PIEZO2: variants seen among roughly 807,000 people sequenced by gnomAD.
PIEZO2 encodes piezo type mechanosensitive ion channel component 2, also known as piezo-type mechanosensitive ion channel component 2.
A neutral mutation model predicts 337.3 loss-of-function variants in PIEZO2; 172 were observed. That is an observed-to-expected ratio of 0.51 (90% CI 0.45 to 0.58). The LOEUF is 0.58. PIEZO2 is among the 20% of genes least tolerant of loss of function. PIEZO2 has a pLI of 0.00. For missense variants in PIEZO2, 3,028 were observed against 3,391.3 expected (o/e 0.89, Z 2.66); for synonymous variants, 1,251 against 1,228.5 (o/e 1.02, Z -0.38).
rs796703725 is a variant in PIEZO2 at position 11,099,548 on chromosome 18, C to A, written c.65-33326G>T. Among the ~76,000 whole-genome samples the A allele has an allele frequency of 2.6e-5, 4 of 152,324 alleles. No homozygotes were observed. Among genetic ancestry groups the A allele is most frequent in the African/African-American group, 9.6e-5 (4 of 41,572 alleles). ...ATGGCATGATCTCGGCTCACTGCAACCTCTGCCTCCAGGGTTCAAATGATT... is the reference window on the plus strand; with the variant it reads ...ATGGCATGATCTCGGCTCACTGCAAACTCTGCCTCCAGGGTTCAAATGATT... On this transcript the variant is annotated intron_variant, in intron 1 of 55. Transcript: ENST00000674853. This position sits in a 1 kb window ranked among gnomAD's most constrained non-coding sequence, Gnocchi z 5.4.
intron 3 of PIEZO2, among the ~76,000 whole-genome samples, chr18:10,951,887 A>G (rs1252783921): frequency 2.0e-5 from 3 of 152,196 alleles, no homozygotes; most frequent in African/African-American, 7.2e-5. Flanking sequence ...ATATTTGCCA[A>G]ATTAATGAAT....
At chr18:10,896,223 G>C (rs374097337) in intron 4 of PIEZO2, among the ~76,000 whole-genome samples, 34 of 152,258 alleles carry the variant, frequency 2.2e-4, no homozygotes, top group East Asian at 2.1e-3. Flanking sequence ...GAGTCAAACA[G>C]AGCAGCCTTC....
In PIEZO2 at chr18:10,702,125, C is replaced by T; in HGVS notation, c.6305G>A (p.Trp2102Ter). 1 of 1,536,690 alleles carries T rather than the reference C, an allele frequency of 6.5e-7. No homozygotes were observed. The highest frequency in any genetic ancestry group is 2.4e-5 in the East Asian group (1 of 40,896). ...TTTGTTCACCTCCACATTCTTATTC[C>T]AGGGAAAGAACCCAAATTGGAAGAA... ...KYFFQFGFFP[W>*]NKNVEVNKDK... The change falls in exon 43 of 56, where the codon TGG becomes TAG. Residue 2102 changes from tryptophan (W) to a stop codon, truncating the protein, a stop_gained. Coordinates refer to ENST00000674853, the MANE Select transcript of PIEZO2 (RefSeq NM_001378183.1). LOFTEE classifies it high-confidence loss of function.
chr18:11,076,493 C>T (rs2038550382), intron 1 of PIEZO2, among the ~76,000 whole-genome samples: 4 of 151,752 alleles, frequency 2.6e-5, no homozygotes, highest in Admixed American at 2.6e-4. Flanking sequence ...TTTTTCCAAA[C>T]AACTGGAGAT....
Position 10,800,397 on chromosome 18 carries a change from C to T in PIEZO2, c.1318G>A (p.Gly440Ser). ...GGGGTGGAGTAGAGGTCGGCTTTGC[C>T]AGGGCCGTTCTCCATGGGCAGGCTT... Reference protein sequence around the residue: ...HPSLPMENGPGKADLYSTPQY... With the variant: ...HPSLPMENGPSKADLYSTPQY... Residue 440 changes from glycine to serine, a missense_variant, in exon 11 of 56, where the codon GGC (glycine) becomes AGC (serine). Gly to Ser is a moderately conservative substitution (Grantham distance 56). Around this residue, in one of 5 missense-constraint regions of PIEZO2, gnomAD observed 542 missense variants for 605.6 expected, o/e 0.89. Coordinates refer to ENST00000674853, the MANE Select transcript of PIEZO2 (RefSeq NM_001378183.1). 1 of 1,536,344 alleles carries T rather than the reference C, an allele frequency of 6.5e-7. No individual in the cohort carries two copies. The highest frequency in any genetic ancestry group is 1.4e-5 in the African/African-American group (1 of 73,106).
At chr18:11,093,919 A>G (rs1281283229) in intron 1 of PIEZO2, among the ~76,000 whole-genome samples, 6 of 152,112 alleles carry the variant, frequency 3.9e-5, no homozygotes, top group African/African-American at 1.4e-4. Flanking sequence ...GTAGAGCAGC[A>G]TAAGTCTCGG....
chr18:10,802,972 C>CA (rs71362185), intron 9 of PIEZO2, among the ~76,000 whole-genome samples: 74,560 of 127,302 alleles, frequency 0.59, 20,332 homozygotes, highest in Non-Finnish European at 0.62. Context: ...ACTCTGTTGC[C>CA]AAAAAAAAAA....
chr18:10,932,268 T>C (rs1338251965), intron 3 of PIEZO2, among the ~76,000 whole-genome samples: 4 of 152,082 alleles, frequency 2.6e-5, no homozygotes, highest in Admixed American at 2.6e-4. Context: ...TGGTGGCACA[T>C]GCCTGTGGTC....
Position 10,773,967 on chromosome 18 carries a change from T to C in PIEZO2, c.2567+39A>G, listed in dbSNP as rs895565200. ...GGTGTAGAAGCATGAAATGGCATCA[T>C]GTAGAGCAAGCATTTCATGGCTTCA... On this transcript the variant is annotated intron_variant, in intron 19 of 55. Transcript: ENST00000674853. This position sits in a 1 kb window ranked among gnomAD's most constrained non-coding sequence, Gnocchi z 5.3. 1.1e-5 allele frequency: 8 copies of C among 702,740 alleles called. No homozygotes were observed. The highest frequency in any genetic ancestry group is 1.8e-5 in the Non-Finnish European group (7 of 384,946). The allele number at this position is 702,740 out of a possible 1,614,324, so 43.5% of individuals were successfully genotyped here. A position where few individuals can be genotyped will look rare whatever the true frequency, so the allele number is the denominator to read the frequency against.
At chr18:10,741,928 C>A (rs142338458) in intron 32 of PIEZO2, among the ~76,000 whole-genome samples, 8 of 151,806 alleles carry the variant, frequency 5.3e-5, no homozygotes, top group Non-Finnish European at 1.0e-4. Flanking sequence ...CCGAGGTGGG[C>A]GGATCACGAG....
Position 10,708,337 on chromosome 18 carries a change from G to A in PIEZO2, c.5526C>T (p.Leu1842=), listed in dbSNP as rs1200617510. The A allele has an allele frequency of 6.6e-6, 1 of 152,662 alleles. No homozygotes were observed. The highest frequency in any genetic ancestry group is 1.5e-5 in the Non-Finnish European group (1 of 68,056). 9.5% of individuals were successfully genotyped at this position (152,662 alleles called of 1,614,324 possible). A position where few individuals can be genotyped will look rare whatever the true frequency, so the allele number is the denominator to read the frequency against. The change falls in exon 40 of 56, where the codon CTC becomes CTT. Residue 1842 remains leucine, a synonymous_variant. Transcript: ENST00000674853. ...PKTSERARPR[L]RKMLSMDMSS... is the part of the protein sequence containing the mutation. Reference sequence around the variant, plus strand: ...ACATATCCATGCTGAGCATTTTACGGAGCCTAGGCCGAGCACGCTCGCTTG... The same window carrying A: ...ACATATCCATGCTGAGCATTTTACGAAGCCTAGGCCGAGCACGCTCGCTTG...
intron 1 of PIEZO2, among the ~76,000 whole-genome samples, chr18:11,117,451 T>C (rs2039923318): frequency 6.6e-6 from 1 of 152,192 alleles, no homozygotes; most frequent in Non-Finnish European, 1.5e-5. Flanking sequence ...CAACTAGTCA[T>C]GGAATTCCTA....
At chr18:10,972,091 G>A (rs1221151324) in intron 3 of PIEZO2, among the ~76,000 whole-genome samples, 1 of 149,778 alleles carries the variant, frequency 6.7e-6, no homozygotes, top group East Asian at 2.0e-4. Context: ...TCAAGAGTTT[G>A]AGATCAGCCT....
chr18:11,149,066 C>T lies in PIEZO2; in HGVS notation c.-478G>A, dbSNP rs879610863. ...TTCTACTTGGAAGCCCCTCTGAAGCCACCGCGTCTCCTTTGCCCGGCCTCG... is the reference window on the plus strand; with the variant it reads ...TTCTACTTGGAAGCCCCTCTGAAGCTACCGCGTCTCCTTTGCCCGGCCTCG... On this transcript the variant is annotated 5_prime_UTR_variant, in exon 1 of 56. Transcript: ENST00000674853. The surrounding 1 kb of genome is among the most constrained non-coding windows in gnomAD (Gnocchi z 8.7). 2.2e-4 allele frequency among the ~76,000 whole-genome samples: 34 copies of T among 152,236 alleles called. No individual in the cohort carries two copies. Among genetic ancestry groups the T allele is most frequent in the Admixed American group, 7.8e-4 (12 of 15,310 alleles).
At chr18:10,721,804 A>G (rs2036322170) in intron 36 of PIEZO2, among the ~76,000 whole-genome samples, 1 of 152,192 alleles carries the variant, frequency 6.6e-6, no homozygotes, top group Admixed American at 6.5e-5. Context: ...AACTGGAATA[A>G]CGTAATTGTC....
intron 15 of PIEZO2, among the ~76,000 whole-genome samples, chr18:10,788,145 T>C (rs1271450791): frequency 6.6e-6 from 1 of 152,102 alleles, no homozygotes; most frequent in East Asian, 1.9e-4. Context: ...CTCATGCCTG[T>C]AATCCCAGAA....
chr18:10,698,012 C>CGGATGCATTTGTGAACAATTACTGT, intron 44 of PIEZO2, 132 bp from the exon 45 acceptor site: 1 of 1,062,350 alleles, frequency 9.4e-7, no homozygotes, highest in Non-Finnish European at 1.3e-6. Flanking sequence ...TGAGTATGCA[C>CGGATGCATTTGTGAACAATTACTGT]GGCCTTGGGA....
intron 10 of PIEZO2, 68 bp downstream of exon 10, chr18:10,801,322 G>A: frequency 7.6e-7 from 1 of 1,318,442 alleles, no homozygotes; most frequent in South Asian, 1.4e-5. Context: ...ACTCAAAGGA[G>A]CTACTTCCAT....
intron 4 of PIEZO2, among the ~76,000 whole-genome samples, chr18:10,905,082 G>A (rs927173396): frequency 1.3e-5 from 2 of 152,128 alleles, no homozygotes; most frequent in Admixed American, 6.5e-5. Context: ...TCATTTCCCC[G>A]ATTATAAACT....
Sources: gnomAD v4.1 joint callset for allele counts (sites outside exome capture counted in the v4.1 genomes callset) on GRCh38, gnomAD v4.1.1 for gene constraint, gnomAD v4.1.1 regional missense constraint, Gnocchi (gnomAD v3.1) non-coding constraint, MANE v1.5 for transcripts, NCBI Gene and HGNC (gene_info 2026-07-23, HGNC 2026-07-21) for gene names.